The following PM20D2 variants were observed in gnomAD, a reference collection of about 807,000 sequenced individuals.
PM20D2 encodes the protein xaa-Arg dipeptidase.
A neutral mutation model predicts 42.9 loss-of-function variants in PM20D2; 33 were observed. The observed-to-expected ratio is 0.77, with a 90% CI of 0.58 to 1.03. PM20D2 has a LOEUF of 1.03. Ranked by LOEUF, PM20D2 falls within the 50% of genes least tolerant of loss-of-function variation. The pLI, the probability that PM20D2 is intolerant of heterozygous loss-of-function variation, is 0.00. For missense variants in PM20D2, 548 were observed against 557.0 expected (o/e 0.98, Z 0.16); for synonymous variants, 250 against 228.2 (o/e 1.10, Z -0.86).
chr6:89,131,591 A>T, the PM20D2 span, among the ~76,000 whole-genome samples: 1 of 152,136 alleles, frequency 6.6e-6, no homozygotes, highest in African/African-American at 2.4e-5. Context: ...CTGGTGGCCT[A>T]CTTAGGTTGC....
At chr6:89,135,053 C>G in the PM20D2 span, among the ~76,000 whole-genome samples, 1 of 150,978 alleles carries the variant, frequency 6.6e-6, no homozygotes, top group Non-Finnish European at 1.5e-5. Flanking sequence ...TGAACACCTG[C>G]AGGAGCTGGT....
At chr6:89,105,664 GAATA>G in the PM20D2 span, 1 of 567,052 alleles carries the variant, frequency 1.8e-6, no homozygotes, top group Non-Finnish European at 2.9e-6. Context: ...AATATAATAT[GAATA>G]ATCAGAAAAA....
the PM20D2 span, among the ~76,000 whole-genome samples, chr6:89,109,620 G>C: frequency 6.6e-6 from 1 of 152,200 alleles, no homozygotes; most frequent in African/African-American, 2.4e-5. Flanking sequence ...TCTGGAGTCT[G>C]GAAGCCAAGG....
the PM20D2 span, among the ~76,000 whole-genome samples, chr6:89,106,314 T>C: frequency 6.6e-6 from 1 of 152,242 alleles, no homozygotes; most frequent in East Asian, 1.9e-4. Flanking sequence ...GGTTTCACCA[T>C]GTTGGTCAGG....
At chr6:89,127,178 G>C in the PM20D2 span, among the ~76,000 whole-genome samples, 3 of 152,126 alleles carry the variant, frequency 2.0e-5, no homozygotes, top group African/African-American at 4.8e-5. Context: ...ATAAAATAAA[G>C]AGGAGATGAT....
In PM20D2 at chr6:89,153,096, AAGG is replaced by A; in HGVS notation, c.670_672del (p.Gly224del). On this transcript the variant is annotated inframe_deletion, in exon 3 of 7. Transcript: ENST00000275072. ...TCTCATTCTGCTTCTTATCCCTGGG[AAGG>A]ATTAAATGCATTAGATGCTGCTGTG... The A allele has an allele frequency of 6.2e-7, 1 of 1,611,048 alleles. No homozygotes were observed. The highest frequency in any genetic ancestry group is 8.5e-7 in the Non-Finnish European group (1 of 1,177,790).
At chr6:89,124,507 T>A in the PM20D2 span, among the ~76,000 whole-genome samples, 1 of 152,190 alleles carries the variant, frequency 6.6e-6, no homozygotes, top group Non-Finnish European at 1.5e-5. Context: ...AACAGATTAG[T>A]TCTCTGGCGG....
the PM20D2 span, among the ~76,000 whole-genome samples, chr6:89,128,269 A>G: frequency 0.03 from 4,622 of 152,274 alleles, 106 homozygotes; most frequent in Non-Finnish European, 0.048. Context: ...GGAGGTCTAT[A>G]AACGGCTGCT....
chr6:89,136,954 C>T, the PM20D2 span, among the ~76,000 whole-genome samples: 1 of 150,994 alleles, frequency 6.6e-6, no homozygotes. Context: ...GATGTTTCCT[C>T]CAGATTATTG....
chr6:89,140,645 G>A, the PM20D2 span, among the ~76,000 whole-genome samples: 2 of 152,180 alleles, frequency 1.3e-5, no homozygotes, highest in Non-Finnish European at 1.5e-5. Context: ...GCTGGGTTAC[G>A]TCTTTGCAGT....
At chr6:89,105,034 G>C in the PM20D2 span, 10 of 1,354,174 alleles carry the variant, frequency 7.4e-6, no homozygotes, top group South Asian at 1.6e-4. Context: ...CTCCAGCCTG[G>C]GAAACAATGA....
intron 1 of PM20D2, 129 bp from the exon 2 acceptor site, chr6:89,149,136 T>C: frequency 8.5e-7 from 1 of 1,182,540 alleles, no homozygotes; most frequent in Admixed American, 2.5e-5. Context: ...GTAAGCGTCA[T>C]AGAACAAAAC....
At chr6:89,150,081 A>G (rs1464983601) in intron 2 of PM20D2, among the ~76,000 whole-genome samples, 1 of 152,230 alleles carries the variant, frequency 6.6e-6, no homozygotes, top group Non-Finnish European at 1.5e-5. Flanking sequence ...GCCAGTGCTC[A>G]GCTGCTTCAG....
chr6:89,100,584 T>C, the PM20D2 span, among the ~76,000 whole-genome samples: 1 of 150,902 alleles, frequency 6.6e-6, no homozygotes, highest in African/African-American at 2.4e-5. Context: ...CAAAGAATCA[T>C]TCCCAAAGTG....
At position 89,155,803 on chromosome 6, in the gene PM20D2, C is replaced by T. The variant is rs912059855; in HGVS notation, c.912+901C>T. On this transcript the variant is annotated intron_variant, in intron 4 of 6. Transcript: ENST00000275072. Reference sequence around the variant, plus strand: ...GGCTCAACGCAACCTCCTCTGCCTCCTGGGTTCAAGCGATTCTTATGCCTC... The same window carrying T: ...GGCTCAACGCAACCTCCTCTGCCTCTTGGGTTCAAGCGATTCTTATGCCTC... Among the ~76,000 whole-genome samples the T allele has an allele frequency of 2.0e-5, 3 of 152,038 alleles. No individual in the cohort carries two copies. The South Asian group carries it at 6.2e-4, about 32-fold the overall frequency.
At chr6:89,153,560 G>C (rs1770929681) in intron 3 of PM20D2, among the ~76,000 whole-genome samples, 1 of 152,048 alleles carries the variant, frequency 6.6e-6, no homozygotes. Flanking sequence ...ATAACTGCTA[G>C]TTTTATTTAA....
the PM20D2 span, chr6:89,106,589 C>CT: frequency 6.3e-6 from 1 of 159,018 alleles, no homozygotes; most frequent in Non-Finnish European, 1.4e-5. Context: ...AAATAAGTAA[C>CT]TTTTTTTAGG....
the PM20D2 span, chr6:89,097,189 T>G: frequency 6.6e-6 from 1 of 152,204 alleles, no homozygotes; most frequent in Non-Finnish European, 1.5e-5. Context: ...AGACAGATTT[T>G]TTTCTTAAAC....
At chr6:89,158,491 A>G (rs1477161352) in intron 5 of PM20D2, 31 bp downstream of exon 5, 28 of 1,592,172 alleles carry the variant, frequency 1.8e-5, no homozygotes, top group Non-Finnish European at 2.4e-5. Context: ...ATATTGAGCT[A>G]TTTGAGGAAG....
Sources: gnomAD v4.1 joint callset for allele counts (sites outside exome capture counted in the v4.1 genomes callset) on GRCh38, gnomAD v4.1.1 for gene constraint, MANE v1.5 for transcripts, NCBI Gene and HGNC (gene_info 2026-07-23, HGNC 2026-07-21) for gene names.